The following NOL10 variants were observed in gnomAD, a reference collection of about 807,000 sequenced individuals.
NOL10 encodes the protein nucleolar protein 10.
NOL10 carries 58 observed loss-of-function variants against 103.5 expected under a neutral mutation model. That is an observed-to-expected ratio of 0.56 (90% CI 0.45 to 0.70). The LOEUF (loss-of-function observed/expected upper bound fraction) is 0.70. Among genes scored for constraint, NOL10 ranks in the 30% least tolerant of loss-of-function variants. The pLI, the probability that NOL10 is intolerant of heterozygous loss-of-function variation, is 0.00. For missense variants in NOL10, 763 were observed against 807.3 expected (o/e 0.95, Z 0.67); for synonymous variants, 287 against 282.5 (o/e 1.02, Z -0.16).
chr2:10,665,817 T>C (rs1231135983), intron 8 of NOL10, among the ~76,000 whole-genome samples: 7 of 152,360 alleles, frequency 4.6e-5, no homozygotes, highest in East Asian at 1.9e-4. Flanking sequence ...ACATTCAACA[T>C]AGTTTTACAT....
chr2:10,657,178 G>C (rs1051937952), intron 11 of NOL10, among the ~76,000 whole-genome samples: 9 of 152,072 alleles, frequency 5.9e-5, no homozygotes, highest in Non-Finnish European at 1.3e-4. Flanking sequence ...AATTAGCTGG[G>C]CATGGTGACA....
intron 13 of NOL10, among the ~76,000 whole-genome samples, chr2:10,625,517 A>T (rs925309987): frequency 1.3e-5 from 2 of 152,258 alleles, no homozygotes; most frequent in Non-Finnish European, 2.9e-5. Flanking sequence ...TCAATGTCCC[A>T]CTACTATCAT....
intron 13 of NOL10, among the ~76,000 whole-genome samples, chr2:10,638,080 G>A (rs1001455010): frequency 6.6e-6 from 1 of 152,170 alleles, no homozygotes; most frequent in African/African-American, 2.4e-5. Flanking sequence ...CCAGGAGTTT[G>A]AGACCAGCCT....
intron 14 of NOL10, 29 bp from the exon 15 acceptor site, chr2:10,603,186 G>T (rs943824298): frequency 2.6e-6 from 4 of 1,521,882 alleles, no homozygotes; most frequent in Non-Finnish European, 3.6e-6. Context: ...AAGACAGCAG[G>T]TCCTTATGCA....
intron 19 of NOL10, among the ~76,000 whole-genome samples, chr2:10,588,249 C>G (rs12618726): frequency 0.34 from 52,268 of 151,934 alleles, 9,414 homozygotes; most frequent in Non-Finnish European, 0.4. Flanking sequence ...ATAAAACTTA[C>G]CATTTTAACC....
At chr2:10,645,197 G>C (rs775085912) in intron 12 of NOL10, among the ~76,000 whole-genome samples, 3 of 152,176 alleles carry the variant, frequency 2.0e-5, no homozygotes, top group South Asian at 2.1e-4. Context: ...CCAGTCGTGA[G>C]AGAATGTTAA....
intron 17 of NOL10, among the ~76,000 whole-genome samples, chr2:10,594,117 C>T (rs949949893): frequency 1.3e-4 from 20 of 148,950 alleles, no homozygotes; most frequent in East Asian, 1.2e-3. Flanking sequence ...CACTGAAGAC[C>T]GAACTTCTAG....
chr2:10,674,505 C>A (rs1012247381), intron 4 of NOL10, among the ~76,000 whole-genome samples: 5 of 152,138 alleles, frequency 3.3e-5, no homozygotes, highest in Non-Finnish European at 7.3e-5. Context: ...ACATTACATT[C>A]TATGGCAAAG....
At chr2:10,682,189 C>T (rs1378944016) in intron 2 of NOL10, 120 bp from the exon 3 acceptor site, 2 of 403,500 alleles carry the variant, frequency 5.0e-6, no homozygotes, top group Admixed American at 4.4e-5. Flanking sequence ...ATCCCAAATG[C>T]TTCCTGGCCT....
chr2:10,576,339 A>G (rs901628294), intron 20 of NOL10, among the ~76,000 whole-genome samples: 1 of 152,186 alleles, frequency 6.6e-6, no homozygotes, highest in African/African-American at 2.4e-5. Flanking sequence ...AAATAGCTAC[A>G]CTAGCAATTC....
intron 13 of NOL10, among the ~76,000 whole-genome samples, chr2:10,614,374 T>C (rs925173132): frequency 1.3e-5 from 2 of 152,186 alleles, no homozygotes; most frequent in Non-Finnish European, 2.9e-5. Context: ...TGCAGTGGTA[T>C]GACCATAGCT....
At chr2:10,574,106 A>G (rs1359463493) in intron 20 of NOL10, among the ~76,000 whole-genome samples, 1 of 152,234 alleles carries the variant, frequency 6.6e-6, no homozygotes, top group Non-Finnish European at 1.5e-5. Flanking sequence ...TTAGAGGTGT[A>G]TAATTTTTAC....
rs202096916 is a variant in NOL10 at position 10,586,130 on chromosome 2, TG to T, written c.1844+2912del. Among the ~76,000 whole-genome samples, 44 of 152,252 alleles carry T rather than the reference TG, an allele frequency of 2.9e-4. No individual in the cohort carries two copies. The East Asian group carries it at 7.3e-3, about 25-fold the overall frequency. On this transcript the variant is annotated intron_variant, in intron 19 of 20. Coordinates refer to ENST00000381685, the MANE Select transcript of NOL10 (RefSeq NM_024894.4). ...AGGATGGGAGATGGGGTAGGGTAAATGTGGGGTGACTGCCCATAAGGCGTGG... is the reference window on the plus strand; with the variant it reads ...AGGATGGGAGATGGGGTAGGGTAAATTGGGGTGACTGCCCATAAGGCGTGG...
intron 15 of NOL10, 79 bp from the exon 16 acceptor site, chr2:10,602,953 T>C (rs1036664037): frequency 3.2e-5 from 40 of 1,257,680 alleles, no homozygotes; most frequent in Non-Finnish European, 4.3e-5. Context: ...ACGACAGTTA[T>C]GCCAAAGAAC....
chr2:10,684,441 A>G (rs1682005278), intron 2 of NOL10, 126 bp downstream of exon 2: 2 of 748,846 alleles, frequency 2.7e-6, no homozygotes, highest in Non-Finnish European at 4.3e-6. Context: ...AAGGGACAAG[A>G]GCATTCATTT....
chr2:10,616,575 G>T (rs1382861510), intron 13 of NOL10, among the ~76,000 whole-genome samples: 1 of 149,552 alleles, frequency 6.7e-6, no homozygotes, highest in Non-Finnish European at 1.5e-5. Flanking sequence ...TTGAAACAGG[G>T]TCTCACTTTA....
At chr2:10,679,603 CCTCTCTTTCT>C (rs1416224483) in intron 3 of NOL10, among the ~76,000 whole-genome samples, 10 of 141,944 alleles carry the variant, frequency 7.0e-5, no homozygotes, top group African/African-American at 2.0e-4. Context: ...CTCTCTCCTT[CCTCTCTTTCT>C]CTCTCTTTCT....
At chr2:10,657,962 A>G in intron 10 of NOL10, 71 bp from the exon 11 acceptor site, 1 of 1,203,792 alleles carries the variant, frequency 8.3e-7, no homozygotes, top group Non-Finnish European at 1.1e-6. Flanking sequence ...CTAAGTGAGA[A>G]TAATGGCAGC....
intron 3 of NOL10, among the ~76,000 whole-genome samples, chr2:10,679,219 C>A (rs1016924122): frequency 6.6e-6 from 1 of 151,848 alleles, no homozygotes; most frequent in East Asian, 1.9e-4. Flanking sequence ...ATTAGCCGGG[C>A]GTGGTGGTGC....
Sources: allele counts gnomAD v4.1 joint callset (sites outside exome capture counted in the v4.1 genomes callset), GRCh38; gene constraint gnomAD v4.1.1; transcripts MANE v1.5; gene names NCBI Gene and HGNC (gene_info 2026-07-23, HGNC 2026-07-21).